COL4A4: variants seen among roughly 807,000 people sequenced by gnomAD.
The protein encoded by COL4A4 is collagen type IV alpha 4 chain, also known as collagen alpha-4(IV) chain.
COL4A4 carries 105 observed loss-of-function variants against 192.9 expected under a neutral mutation model. That is an observed-to-expected ratio of 0.54 (90% CI 0.46 to 0.64). The LOEUF is 0.64. Among genes scored for constraint, COL4A4 ranks in the 30% least tolerant of loss-of-function variants. The probability of loss-of-function intolerance (pLI) is 0.00; values close to 1 mark genes in which losing one functional copy is unlikely to be tolerated. For synonymous variants in COL4A4, 762 were observed against 769.9 expected (o/e 0.99, Z 0.17); for missense variants, 1,967 against 2,169.3 (o/e 0.91, Z 1.85).
At chr2:227,060,105 A>AAAAAAAAAAC in intron 27 of COL4A4, 31 bp downstream of exon 27, 1 of 1,002,276 alleles carries the variant, frequency 1.0e-6, no homozygotes, top group Non-Finnish European at 1.5e-6. Flanking sequence ...AAAGCAGAAA[A>AAAAAAAAAAC]AAAAAAAAAA....
At chr2:227,113,822 A>C (rs1347763066) in intron 8 of COL4A4, among the ~76,000 whole-genome samples, 1 of 152,240 alleles carries the variant, frequency 6.6e-6, no homozygotes, top group Non-Finnish European at 1.5e-5. Flanking sequence ...CACAGAACCT[A>C]GGGTCTCATA....
intron 42 of COL4A4, among the ~76,000 whole-genome samples, chr2:227,027,249 C>CAA (rs35287644): frequency 6.6e-5 from 8 of 121,666 alleles, no homozygotes; most frequent in South Asian, 2.5e-4. Context: ...AAGACTGTCT[C>CAA]AAAAAAAAAA....
Position 227,031,993 on chromosome 2 carries a change from G to T in COL4A4, c.3769C>A (p.Pro1257Thr), listed in dbSNP as rs374113580. The change falls in exon 40 of 48, where the codon CCG becomes ACG. Residue 1257 changes from proline to threonine, a missense_variant. Coordinates refer to ENST00000396625, the MANE Select transcript of COL4A4 (RefSeq NM_000092.5). ...TGRAPKDIPDPGPPGDQGPPG... is the reference protein window; with the variant it reads ...TGRAPKDIPDTGPPGDQGPPG... ...GGTCCCTGATCTCCAGGTGGACCCG[G>T]GTCAGGAATGTCCTTAGGAGCTCTT... 1.2e-6 allele frequency: 2 copies of T among 1,613,804 alleles called. No individual in the cohort carries two copies. Among genetic ancestry groups the T allele is most frequent in the African/African-American group, 1.3e-5 (1 of 74,886 alleles).
chr2:227,103,039 A>C, intron 14 of COL4A4, 105 bp downstream of exon 14: 1 of 1,132,714 alleles, frequency 8.8e-7, no homozygotes, highest in South Asian at 1.3e-5. Flanking sequence ...TTCTGGTAAT[A>C]TATATTAGCA....
intron 19 of COL4A4, among the ~76,000 whole-genome samples, chr2:227,098,476 T>A (rs1052664675): frequency 2.0e-5 from 3 of 152,200 alleles, no homozygotes; most frequent in African/African-American, 7.2e-5. Context: ...TAACCTTGGC[T>A]ATATGTTACA....
rs577076655 is a variant in COL4A4, at chr2:227,075,263, C to G, written c.1987+2631G>C. On this transcript the variant is annotated intron_variant, in intron 25 of 47. Transcript: ENST00000396625. ...GCAAAAACCCTCAATAAAATACTGGCAAACGGAATCCAGCAGCACATCAAA... is the reference window on the plus strand; with the variant it reads ...GCAAAAACCCTCAATAAAATACTGGGAAACGGAATCCAGCAGCACATCAAA... 3.3e-5 allele frequency among the ~76,000 whole-genome samples: 5 copies of G among 152,144 alleles called. No homozygotes were observed. The South Asian group carries it at 1.0e-3, about 31-fold the overall frequency.
At chr2:227,151,742 A>G (rs1317876147) in intron 1 of COL4A4, among the ~76,000 whole-genome samples, 1 of 152,178 alleles carries the variant, frequency 6.6e-6, no homozygotes, top group African/African-American at 2.4e-5. Context: ...CTCCAGAATG[A>G]GGTGAGTGCC....
Position 227,031,945 on chromosome 2 carries a change from C to A in COL4A4, c.3817G>T (p.Gly1273Ter). Residue 1273 changes from glycine (G) to a stop codon, truncating the protein, a stop_gained and splice_region_variant, in exon 40 of 48, where the codon GGA becomes TGA. Transcript: ENST00000396625. LOFTEE classifies it high-confidence loss of function. ...QGPPGPDGPR[G>*]APGPPGLPGS... ...ATCCTTTGTCATGATTCTCTCATAC[C>A]TCTTGGGCCATCAGGACCAGGAGGT... 2 of 1,605,642 alleles carry A rather than the reference C, an allele frequency of 1.2e-6. No individual in the cohort carries two copies. The highest frequency in any genetic ancestry group is 1.7e-6 in the Non-Finnish European group (2 of 1,172,390).
At chr2:227,104,216 TA>T (rs1309757517) in intron 12 of COL4A4, 164 bp from the exon 13 acceptor site, 2 of 674,514 alleles carry the variant, frequency 3.0e-6, no homozygotes, top group Non-Finnish European at 2.6e-6. Flanking sequence ...TATTTTCTTA[TA>T]AAAATTTAAT....
At chr2:227,060,101 G>GAAA (rs71422223) in intron 27 of COL4A4, 35 bp downstream of exon 27, 9,658 of 497,684 alleles carry the variant, frequency 0.019, 482 homozygotes, top group African/African-American at 0.058. Context: ...TCCCAAAGCA[G>GAAA]AAAAAAAAAA....
intron 32 of COL4A4, among the ~76,000 whole-genome samples, chr2:227,051,896 T>TA (rs539936145): frequency 5.1e-4 from 77 of 151,966 alleles, no homozygotes; most frequent in Middle Eastern, 3.4e-3. Context: ...TATTTATATC[T>TA]AAAAAAAATG....
intron 4 of COL4A4, among the ~76,000 whole-genome samples, chr2:227,139,473 T>A (rs181950036): frequency 2.8e-4 from 42 of 152,322 alleles, no homozygotes; most frequent in African/African-American, 9.6e-4. Flanking sequence ...TTAACAAATG[T>A]TCAAGAGACC....
rs199581317 is a variant in COL4A4, at chr2:227,098,696, G to A, written c.1202C>T (p.Ala401Val). Residue 401 changes from alanine (A) to valine (V), a missense_variant and splice_region_variant, in exon 19 of 48, where the codon GCA becomes GTA. Physicochemically the swap from Ala to Val is moderately conservative, Grantham distance 64. Transcript: ENST00000396625. The stretch of plus-strand genomic sequence containing the variant: ...AGGGCACATCAGGGCATCCGTACCT[G>A]CACAGGCTTCCCCTGGTCTGCCCAA... ...GLLGRPGEAC[A>V]GMIGPPGPQG... 1.2e-3 allele frequency: 1,868 copies of A among 1,613,376 alleles called. 36 individuals are homozygous for A. In the South Asian group the frequency reaches 0.018, roughly 16 times the overall value.
chr2:227,146,096 G>A (rs1322447048), intron 2 of COL4A4, among the ~76,000 whole-genome samples: 1 of 152,168 alleles, frequency 6.6e-6, no homozygotes, highest in Non-Finnish European at 1.5e-5. Flanking sequence ...GGCACAGCAT[G>A]TTTCTTAAAC....
At chr2:227,018,429 C>A (rs374962328) in intron 44 of COL4A4, among the ~76,000 whole-genome samples, 1 of 152,100 alleles carries the variant, frequency 6.6e-6, no homozygotes, top group Non-Finnish European at 1.5e-5. Context: ...AGTAACTGGA[C>A]GGGATGAGCA....
chr2:227,051,724 G>A (rs1974145493), intron 32 of COL4A4, among the ~76,000 whole-genome samples: 1 of 152,178 alleles, frequency 6.6e-6, no homozygotes, highest in Non-Finnish European at 1.5e-5. Context: ...AACAGTCATT[G>A]CGCTATTCAC....
chr2:227,110,184 G>A (rs79214445), intron 9 of COL4A4, among the ~76,000 whole-genome samples: 5 of 152,014 alleles, frequency 3.3e-5, no homozygotes, highest in Non-Finnish European at 5.9e-5. Flanking sequence ...GATGTTCCCC[G>A]GGCTCCTGCT....
chr2:227,134,988 G>C (rs927426967), intron 4 of COL4A4, among the ~76,000 whole-genome samples: 8 of 152,118 alleles, frequency 5.3e-5, no homozygotes, highest in Non-Finnish European at 1.5e-5. Context: ...AATTTGTAAG[G>C]ACATGTAATT....
rs1016931153 is a variant in COL4A4, at chr2:227,010,578, G to A, written c.4334-77C>T. 5 of 1,256,438 alleles carry A rather than the reference G, an allele frequency of 4.0e-6. No homozygotes were observed. In the Admixed American group the frequency reaches 1.4e-4, roughly 36 times the overall value. 77.8% of individuals were successfully genotyped at this position (1,256,438 alleles called of 1,614,324 possible). On this transcript the variant is annotated intron_variant, in intron 45 of 47. Transcript: ENST00000396625. ...CAAATATGTTAAGCACCTCTGTTCT[G>A]GCACTGTGCTAAGCACTCAGGGAGC...
Sources: allele counts gnomAD v4.1 joint callset (sites outside exome capture counted in the v4.1 genomes callset), GRCh38; gene constraint gnomAD v4.1.1; transcripts MANE v1.5; gene names NCBI Gene and HGNC (gene_info 2026-07-23, HGNC 2026-07-21).